Variants in TOMM20L observed in about 807,000 individuals in gnomAD.
TOMM20L encodes TOMM20-like protein 1.
Under a neutral mutation model 20.4 loss-of-function variants are expected in TOMM20L, and 19 were observed. The ratio of observed to expected loss-of-function variants is 0.93; its 90% CI spans 0.65 to 1.36. The LOEUF (loss-of-function observed/expected upper bound fraction) is 1.36, where lower values mean the gene tolerates loss of function less well. TOMM20L is among the 40% of genes most tolerant of loss of function. The pLI, the probability that TOMM20L is intolerant of heterozygous loss-of-function variation, is 0.00. For synonymous variants in TOMM20L, 75 were observed against 79.6 expected, an observed-to-expected ratio of 0.94 and a Z score of 0.30; for missense variants, 218 against 203.7, an observed-to-expected ratio of 1.07 and a Z score of -0.43.
At chr14:58,416,939 C>G in the TOMM20L span, among the ~76,000 whole-genome samples, 1 of 152,056 alleles carries the variant, frequency 6.6e-6, no homozygotes, top group Non-Finnish European at 1.5e-5. Context: ...TTGGCTATGT[C>G]CCCACCCAAA....
chr14:58,411,059 T>C, downstream of TOMM20L: 1 of 674,844 alleles, frequency 1.5e-6, no homozygotes, highest in Non-Finnish European at 2.6e-6. Flanking sequence ...ATCATAGTTA[T>C]TATGCTAACT....
chr14:58,416,512 A>C, the TOMM20L span, among the ~76,000 whole-genome samples: 1 of 152,236 alleles, frequency 6.6e-6, no homozygotes, highest in African/African-American at 2.4e-5. Flanking sequence ...AAAATGTGTT[A>C]CCAGCATAGC....
At chr14:58,406,034 G>C (rs950310978) in intron 3 of TOMM20L, among the ~76,000 whole-genome samples, 3 of 152,092 alleles carry the variant, frequency 2.0e-5, no homozygotes, top group Non-Finnish European at 4.4e-5. Context: ...TTTTCACCCA[G>C]TTTTCTGCAG....
intron 3 of TOMM20L, among the ~76,000 whole-genome samples, chr14:58,403,295 T>A (rs543040978): frequency 1.4e-4 from 21 of 152,156 alleles, no homozygotes; most frequent in Non-Finnish European, 2.6e-4. Flanking sequence ...GGGTTTGAGG[T>A]TGCAGTGAGC....
In TOMM20L at chr14:58,402,751, G is replaced by A. The variant is rs1316415218; in HGVS notation, c.252G>A (p.Trp84Ter). ...FLQEVRMGEL[W>*]LSRGEHRMGI... ...AAGAGGTACGGATGGGAGAACTTTG[G>A]TTATCTAGAGGTAAGAATGTAAATG... The change falls in exon 3 of 5, where the codon TGG becomes TGA. Residue 84 changes from tryptophan (W) to a stop codon, truncating the protein, a stop_gained. Transcript: ENST00000360945. LOFTEE classifies it high-confidence loss of function. The A allele has an allele frequency of 1.2e-6, 2 of 1,611,776 alleles. No individual in the cohort carries two copies. Among genetic ancestry groups the A allele is most frequent in the African/African-American group, 1.3e-5 (1 of 74,978 alleles).
At chr14:58,415,406 A>G in the TOMM20L span, among the ~76,000 whole-genome samples, 1 of 152,252 alleles carries the variant, frequency 6.6e-6, no homozygotes, top group South Asian at 2.1e-4. Flanking sequence ...AATATGTGTT[A>G]GGATTATCTG....
downstream of TOMM20L, chr14:58,409,100 C>T: frequency 6.2e-7 from 1 of 1,613,906 alleles, no homozygotes; most frequent in Non-Finnish European, 8.5e-7. Flanking sequence ...TATGATATTC[C>T]TGAAATCTCA....
downstream of TOMM20L, among the ~76,000 whole-genome samples, chr14:58,411,430 A>AC (rs1264814721): frequency 4.6e-5 from 7 of 151,772 alleles, no homozygotes; most frequent in South Asian, 2.1e-4. Flanking sequence ...CCTGGCCGAC[A>AC]AAGAGAGACT....
chr14:58,398,284 G>A (rs2035951523), intron 2 of TOMM20L, among the ~76,000 whole-genome samples: 1 of 152,164 alleles, frequency 6.6e-6, no homozygotes, highest in African/African-American at 2.4e-5. Flanking sequence ...ATTGTTTCCA[G>A]TGCCTAGAAC....
intron 3 of TOMM20L, among the ~76,000 whole-genome samples, chr14:58,406,679 G>T (rs944551205): frequency 1.3e-5 from 2 of 152,092 alleles, no homozygotes; most frequent in African/African-American, 4.8e-5. Flanking sequence ...GTAAAACAAG[G>T]GAGTGGGATT....
chr14:58,403,525 G>A (rs1165678578), intron 3 of TOMM20L, among the ~76,000 whole-genome samples: 1 of 152,124 alleles, frequency 6.6e-6, no homozygotes, highest in Non-Finnish European at 1.5e-5. Flanking sequence ...TACACTTAAT[G>A]GTCATATTTT....
intron 3 of TOMM20L, among the ~76,000 whole-genome samples, chr14:58,406,350 G>A (rs1266511984): frequency 1.3e-5 from 2 of 152,114 alleles, no homozygotes; most frequent in East Asian, 1.9e-4. Context: ...TATTGTTCAA[G>A]CTTAATACAA....
chr14:58,404,095 A>ATATGTGTG lies in TOMM20L; in HGVS notation c.262+1339_262+1340insGTGTATGT, dbSNP rs1555369106. 1.1e-3 allele frequency among the ~76,000 whole-genome samples: 3 copies of ATATGTGTG among 2,746 alleles called. 1 individual carries two copies. The Non-Finnish European group carries it at 0.02, about 18-fold the overall frequency. 1.8% of individuals were successfully genotyped at this position (2,746 alleles called of 152,430 possible). The stretch of plus-strand genomic sequence containing the variant: ...ATCAGTACAATGTATATATACATAT[A>ATATGTGTG]TATGTATATATATATATATATATAT... On this transcript the variant is annotated intron_variant, in intron 3 of 4. Coordinates refer to ENST00000360945, the MANE Select transcript of TOMM20L (RefSeq NM_207377.3).
Position 58,396,022 on chromosome 14 carries a change from T to G in TOMM20L, c.65T>G (p.Phe22Cys). 1 of 1,452,160 alleles carries G rather than the reference T, an allele frequency of 6.9e-7. No individual in the cohort carries two copies. Among genetic ancestry groups the G allele is most frequent in the East Asian group, 2.8e-5 (1 of 35,668 alleles). The allele number at this position is 1,452,160 out of a possible 1,614,324, so 90.0% of individuals were successfully genotyped here. A position where few individuals can be genotyped will look rare whatever the true frequency, so the allele number is the denominator to read the frequency against. Residue 22 changes from phenylalanine to cysteine, a missense_variant, in exon 1 of 5, where the codon TTC becomes TGC. Physicochemically the swap from Phe to Cys is radical, Grantham distance 205. Transcript: ENST00000360945. ...AAAAACGAFAFLGYCIYLNRK... is the reference protein window; with the variant it reads ...AAAAACGAFACLGYCIYLNRK... ...GCGGCGGCCTGTGGCGCCTTCGCCTTCCTGGGCTATTGTATTTACCTCAAC... is the reference window on the plus strand; with the variant it reads ...GCGGCGGCCTGTGGCGCCTTCGCCTGCCTGGGCTATTGTATTTACCTCAAC...
In TOMM20L at chr14:58,408,622, T is replaced by A. The variant is rs2036109032; in HGVS notation, c.*40T>A. The A allele has an allele frequency of 6.3e-7, 1 of 1,588,536 alleles. No homozygotes were observed. The highest frequency in any genetic ancestry group is 1.3e-5 in the African/African-American group (1 of 74,210). ...TATCCACAGTCCAGTGAGAATACTA[T>A]GGTACCATACAGTATAAACAACTGC... On this transcript the variant is annotated 3_prime_UTR_variant, in exon 5 of 5. Transcript: ENST00000360945.
intron 2 of TOMM20L, among the ~76,000 whole-genome samples, chr14:58,399,798 C>G (rs556138596): frequency 6.7e-6 from 1 of 149,390 alleles, no homozygotes; most frequent in African/African-American, 2.5e-5. Flanking sequence ...CACTAGCCTC[C>G]CTGCTGTGAC....
chr14:58,413,830 AC>A, the TOMM20L span, among the ~76,000 whole-genome samples: 1 of 151,362 alleles, frequency 6.6e-6, no homozygotes, highest in Non-Finnish European at 1.5e-5. Context: ...ACACAGTGAA[AC>A]CCCGTCTTTA....
the TOMM20L span, among the ~76,000 whole-genome samples, chr14:58,413,924 G>T: frequency 7.5e-6 from 1 of 133,894 alleles, no homozygotes; most frequent in African/African-American, 2.8e-5. Flanking sequence ...GAAGAATGGC[G>T]TGAACCCGGG....
chr14:58,408,877 A>G, downstream of TOMM20L: 1 of 1,054,976 alleles, frequency 9.5e-7, no homozygotes, highest in Non-Finnish European at 1.3e-6. Flanking sequence ...GTAAATAGCA[A>G]TTTTGTTTCT....
Sources: gnomAD v4.1 joint callset for allele counts (sites outside exome capture counted in the v4.1 genomes callset) on GRCh38, gnomAD v4.1.1 for gene constraint, MANE v1.5 for transcripts, NCBI Gene and HGNC (gene_info 2026-07-23, HGNC 2026-07-21) for gene names.